Variants in FAT1 observed in about 807,000 individuals in gnomAD.
FAT1 encodes the protein protocadherin Fat 1.
In FAT1, 171 loss-of-function variants were observed where a neutral mutation model predicts 329.8. The observed-to-expected ratio is 0.52, with a 90% CI of 0.46 to 0.59. FAT1 has a LOEUF of 0.59. Ranked by LOEUF, FAT1 falls within the 20% of genes least tolerant of loss-of-function variation. FAT1 has a pLI of 0.00. For synonymous variants in FAT1, 2,233 were observed against 2,228.6 expected (o/e 1.00, Z -0.06); for missense variants, 5,672 against 5,774.4 (o/e 0.98, Z 0.57).
chr4:186,656,704 A>G (rs1231732250), intron 3 of FAT1, among the ~76,000 whole-genome samples: 1 of 152,188 alleles, frequency 6.6e-6, no homozygotes, highest in Non-Finnish European at 1.5e-5. Context: ...GGAGGGACAA[A>G]AAGTGCATAC....
chr4:186,666,427 A>G (rs1229636418), intron 2 of FAT1, among the ~76,000 whole-genome samples: 1 of 152,186 alleles, frequency 6.6e-6, no homozygotes, highest in Non-Finnish European at 1.5e-5. Context: ...CACAGATACA[A>G]AGACGTCAGG....
chr4:186,709,051 T>C lies in FAT1; in HGVS notation c.777A>G (p.Ala259=), dbSNP rs765121888. 1.9e-6 allele frequency: 3 copies of C among 1,613,888 alleles called. No individual in the cohort carries two copies. The highest frequency in any genetic ancestry group is 2.5e-6 in the Non-Finnish European group (3 of 1,179,902). Residue 259 remains alanine (A), a synonymous_variant, in exon 2 of 27, where the codon GCA becomes GCG. Transcript: ENST00000441802. ...QANECAPVIT[A]VTLSPSELDR... Reference sequence around the variant, plus strand: ...CCAGTTCTGATGGTGACAATGTCACTGCTGTTATCACCGGAGCACATTCAT... The same window carrying C: ...CCAGTTCTGATGGTGACAATGTCACCGCTGTTATCACCGGAGCACATTCAT...
chr4:186,694,307 A>G (rs1432324919), intron 2 of FAT1, among the ~76,000 whole-genome samples: 1 of 152,264 alleles, frequency 6.6e-6, no homozygotes, highest in Non-Finnish European at 1.5e-5. Context: ...ATACACAGTG[A>G]ACAACTTCCA....
At chr4:186,662,634 C>T (rs978140206) in intron 3 of FAT1, among the ~76,000 whole-genome samples, 1 of 152,142 alleles carries the variant, frequency 6.6e-6, no homozygotes, top group Admixed American at 6.5e-5. Context: ...TCTTTTAATA[C>T]TCTTTACAAA....
intron 1 of FAT1, among the ~76,000 whole-genome samples, chr4:186,715,248 C>G (rs1196452440): frequency 6.6e-6 from 1 of 150,628 alleles, no homozygotes; most frequent in East Asian, 2.0e-4. Context: ...AGTCCCACCA[C>G]AGCCCCCACC....
chr4:186,672,084 G>C (rs1222869845), intron 2 of FAT1, among the ~76,000 whole-genome samples: 1 of 152,068 alleles, frequency 6.6e-6, no homozygotes, highest in Non-Finnish European at 1.5e-5. Context: ...CACTGGTGTT[G>C]CTAATCATAA....
In FAT1 at chr4:186,601,380, ACGGTATTTCACGTAG is replaced by A; in HGVS notation, c.11514_11528del (p.Tyr3839_Arg3843del). 1 of 1,613,518 alleles carries A rather than the reference ACGGTATTTCACGTAG, an allele frequency of 6.2e-7. No individual in the cohort carries two copies. Among genetic ancestry groups the A allele is most frequent in the Non-Finnish European group, 8.5e-7 (1 of 1,179,516 alleles). ...CTAATTTGTTTTCATTTTCCGTCAGACGGTATTTCACGTAGCTGTTTCCAGTCAGTGTCATAGATG... is the reference window on the plus strand; with the variant it reads ...CTAATTTGTTTTCATTTTCCGTCAGACTGTTTCCAGTCAGTGTCATAGATG... On this transcript the variant is annotated inframe_deletion, in exon 21 of 27. Transcript: ENST00000441802.
At chr4:186,601,678 A>G (rs1005270459) in intron 20 of FAT1, 1 of 331,378 alleles carries the variant, frequency 3.0e-6, no homozygotes. Context: ...AAGATTAAAT[A>G]TAAAAATGTT....
chr4:186,675,030 T>C (rs575944583), intron 2 of FAT1, among the ~76,000 whole-genome samples: 2 of 152,106 alleles, frequency 1.3e-5, no homozygotes, highest in African/African-American at 2.4e-5. Flanking sequence ...TGAGACCTTG[T>C]CTCAAAAACA....
At chr4:186,651,027 TTAAA>T (rs1231375295) in intron 3 of FAT1, among the ~76,000 whole-genome samples, 13 of 150,640 alleles carry the variant, frequency 8.6e-5, no homozygotes, top group Admixed American at 7.3e-4. Context: ...TATTAAATAA[TTAAA>T]TAATTTATTT....
intron 2 of FAT1, among the ~76,000 whole-genome samples, chr4:186,683,501 C>G (rs192997): frequency 0.24 from 36,425 of 152,116 alleles, 6,006 homozygotes; most frequent in African/African-American, 0.47. Context: ...AGGGCATTCA[C>G]CCAAGCCTTC....
rs1739890149 is a variant in FAT1 at position 186,619,124 on chromosome 4, G to A, written c.7462C>T (p.His2488Tyr). ...TCGTTCTGAAGGAAAGCAGGACTGT[G>A]CAAATTGCCTCCAATTACAGTTACA... ...VHVTVIGGNL[H>Y]SPAFLQNEYE... Residue 2488 changes from histidine to tyrosine, a missense_variant, in exon 10 of 27, where the codon CAC becomes TAC. Around this residue, in one of 2 missense-constraint regions of FAT1, gnomAD observed 3,966 missense variants for 3,915.2 expected, o/e 1.01. Transcript: ENST00000441802. The A allele has an allele frequency of 6.2e-7, 1 of 1,613,976 alleles. No homozygotes were observed. The highest frequency in any genetic ancestry group is 8.5e-7 in the Non-Finnish European group (1 of 1,179,896).
intron 2 of FAT1, among the ~76,000 whole-genome samples, chr4:186,682,281 C>T (rs888406922): frequency 1.3e-5 from 2 of 152,108 alleles, no homozygotes; most frequent in Admixed American, 6.5e-5. Context: ...AATCCTAGCA[C>T]TTTGGGAGAC....
At chr4:186,610,939 G>T (rs994261990) in intron 14 of FAT1, among the ~76,000 whole-genome samples, 3 of 151,624 alleles carry the variant, frequency 2.0e-5, no homozygotes, top group South Asian at 2.1e-4. Flanking sequence ...CAACTAGCAT[G>T]ATAACGAAGT....
intron 3 of FAT1, among the ~76,000 whole-genome samples, chr4:186,661,296 T>C (rs193136318): frequency 1.3e-5 from 2 of 152,194 alleles, no homozygotes; most frequent in South Asian, 4.1e-4. Context: ...CCAATCTGAC[T>C]GTGTGTCATA....
intron 1 of FAT1, among the ~76,000 whole-genome samples, chr4:186,722,335 AT>A (rs1195807993): frequency 6.6e-6 from 1 of 152,178 alleles, no homozygotes; most frequent in Non-Finnish European, 1.5e-5. Context: ...TAAGGTGTTC[AT>A]TTTTCAAAAA....
intron 2 of FAT1, among the ~76,000 whole-genome samples, chr4:186,692,722 A>C (rs1743843991): frequency 6.6e-6 from 1 of 151,800 alleles, no homozygotes; most frequent in African/African-American, 2.4e-5. Context: ...CACGCCCCCC[A>C]GTCTTCCATG....
chr4:186,597,237 C>A (rs2126396864), intron 24 of FAT1, 66 bp from the exon 25 acceptor site: 1 of 1,433,918 alleles, frequency 7.0e-7, no homozygotes, highest in Non-Finnish European at 9.3e-7. Context: ...CAGGCTCAAT[C>A]CTTAGAGACT....
chr4:186,636,763 T>A lies in FAT1; in HGVS notation c.3794A>T (p.Asn1265Ile), dbSNP rs1740841886. The A allele has an allele frequency of 1.2e-6, 2 of 1,614,012 alleles. No homozygotes were observed. The highest frequency in any genetic ancestry group is 3.3e-5 in the Admixed American group (2 of 60,032). Reference sequence around the variant, plus strand: ...GTGATAGAGCGGCTCCCGTCTGGCATTTCTTTCTCGGTCTGGCTTTTCCCG... The same window carrying A: ...GTGATAGAGCGGCTCCCGTCTGGCAATTCTTTCTCGGTCTGGCTTTTCCCG... ...PEREKPDRERNARREPLYHVI... is the reference protein window; with the variant it reads ...PEREKPDRERIARREPLYHVI... Residue 1265 changes from asparagine to isoleucine, a missense_variant, in exon 5 of 27, where the codon AAT becomes ATT. Transcript: ENST00000441802.
Sources: allele counts gnomAD v4.1 joint callset (sites outside exome capture counted in the v4.1 genomes callset), GRCh38; gene constraint gnomAD v4.1.1; regional missense constraint gnomAD v4.1.1; transcripts MANE v1.5; gene names NCBI Gene and HGNC (gene_info 2026-07-23, HGNC 2026-07-21).